Variants in GFRA2 observed in about 807,000 individuals in gnomAD.
The protein encoded by GFRA2 is GDNF family receptor alpha 2.
GFRA2 carries 17 observed loss-of-function variants against 48.3 expected under a neutral mutation model. That is an observed-to-expected ratio of 0.35 (90% CI 0.24 to 0.53). GFRA2 has a LOEUF of 0.53. Among genes scored for constraint, GFRA2 ranks in the 20% least tolerant of loss-of-function variants. GFRA2 has a pLI of 0.93. For synonymous variants in GFRA2, 305 were observed against 257.2 expected, an observed-to-expected ratio of 1.19 and a Z score of -1.78; for missense variants, 660 against 637.3, an observed-to-expected ratio of 1.04 and a Z score of -0.38.
chr8:21,694,144 T>C (rs1230012598), intron 8 of GFRA2, among the ~76,000 whole-genome samples: 1 of 148,850 alleles, frequency 6.7e-6, no homozygotes, highest in Non-Finnish European at 1.5e-5. Context: ...TTTCCACTTC[T>C]GTGCCTCCTA....
intron 7 of GFRA2, 50 bp from the exon 8 acceptor site, chr8:21,694,567 C>T: frequency 1.3e-6 from 2 of 1,567,504 alleles, no homozygotes; most frequent in Non-Finnish European, 1.7e-6. Context: ...CTGTTCCTGG[C>T]TGGGCTTTGT....
chr8:21,705,598 G>T (rs1802699079), intron 5 of GFRA2, among the ~76,000 whole-genome samples: 1 of 152,234 alleles, frequency 6.6e-6, no homozygotes, highest in African/African-American at 2.4e-5. Flanking sequence ...AGCAAGAGCT[G>T]TTGGGAGAAT....
upstream of GFRA2, among the ~76,000 whole-genome samples, chr8:21,793,866 GTT>G (rs770753159): frequency 1.0e-4 from 14 of 135,332 alleles, no homozygotes; most frequent in African/African-American, 1.6e-4. Flanking sequence ...GAGAATCAAA[GTT>G]TTTTTTTTTT....
chr8:21,793,376 G>T (rs1287847630), upstream of GFRA2, among the ~76,000 whole-genome samples: 1 of 152,160 alleles, frequency 6.6e-6, no homozygotes, highest in Non-Finnish European at 1.5e-5. Context: ...AGTGGCAGTG[G>T]GCGTGGACAG....
At chr8:21,780,403 T>G (rs944449344) in intron 2 of GFRA2, among the ~76,000 whole-genome samples, 1 of 152,098 alleles carries the variant, frequency 6.6e-6, no homozygotes, top group African/African-American at 2.4e-5. Context: ...TTTCCTGCTG[T>G]TCCTCCCACC....
At position 21,750,551 on chromosome 8, in the gene GFRA2, C is replaced by T; in HGVS notation, c.794+37G>A. The T allele has an allele frequency of 7.8e-7, 1 of 1,273,992 alleles. No individual in the cohort carries two copies. Among genetic ancestry groups the T allele is most frequent in the Non-Finnish European group, 1.1e-6 (1 of 899,350 alleles). The allele number at this position is 1,273,992 out of a possible 1,614,324, so 78.9% of individuals were successfully genotyped here. A position where few individuals can be genotyped will look rare whatever the true frequency, so the allele number is the denominator to read the frequency against. On this transcript the variant is annotated intron_variant, in intron 4 of 8. Transcript: ENST00000524240. This position sits in a 1 kb window ranked among gnomAD's most constrained non-coding sequence, Gnocchi z 5.7. The stretch of plus-strand genomic sequence containing the variant: ...AACACAGCCTGGCAATGCAAGCGCC[C>T]TCCTGCCAGCACCACCGGGGCTGCC...
chr8:21,753,097 GC>G (rs1467556143), intron 3 of GFRA2, among the ~76,000 whole-genome samples: 2 of 152,076 alleles, frequency 1.3e-5, no homozygotes, highest in Non-Finnish European at 2.9e-5. Context: ...AGGCTCCAAA[GC>G]CCCCCTTGGA....
intron 1 of GFRA2, among the ~76,000 whole-genome samples, chr8:21,806,585 C>A (rs1807872419): frequency 6.6e-6 from 1 of 152,182 alleles, no homozygotes; most frequent in Non-Finnish European, 1.5e-5. Flanking sequence ...CTACCTCAGC[C>A]TCCTGAGTAG....
intron 4 of GFRA2, among the ~76,000 whole-genome samples, chr8:21,721,790 C>T (rs1803608596): frequency 1.3e-5 from 2 of 152,138 alleles, no homozygotes; most frequent in South Asian, 4.2e-4. Flanking sequence ...AGCCTGCCCA[C>T]CACATCCCAG....
In GFRA2 at chr8:21,697,389, G is replaced by C. The variant is rs185754586; in HGVS notation, c.1219-2872C>G. 2.4e-3 allele frequency among the ~76,000 whole-genome samples: 366 copies of C among 152,122 alleles called. 3 individuals carry two copies. The highest frequency in any genetic ancestry group is 0.02 in the Admixed American group (307 of 15,302). On this transcript the variant is annotated intron_variant, in intron 7 of 8. Coordinates refer to ENST00000524240, the MANE Select transcript of GFRA2 (RefSeq NM_001495.5). ...CCACTGTACCCTCTCATCTGATGCT[G>C]ATTATCAGGGGACAGTGAAACACCT...
At chr8:21,740,086 G>T (rs1480413193) in intron 4 of GFRA2, among the ~76,000 whole-genome samples, 1 of 152,146 alleles carries the variant, frequency 6.6e-6, no homozygotes, top group African/African-American at 2.4e-5. Context: ...ACCAACAGTG[G>T]TGTGCTCCCC....
At position 21,784,540 on chromosome 8, in the gene GFRA2, G is replaced by A. The variant is rs963621955; in HGVS notation, c.41-1641C>T. Among the ~76,000 whole-genome samples, 10 of 152,298 alleles carry A rather than the reference G, an allele frequency of 6.6e-5. No individual in the cohort carries two copies. The South Asian group carries it at 1.2e-3, about 19-fold the overall frequency. On this transcript the variant is annotated intron_variant, in intron 1 of 8. Coordinates refer to ENST00000524240, the MANE Select transcript of GFRA2 (RefSeq NM_001495.5). Reference sequence around the variant, plus strand: ...AGACAGCGACACCTAAAGGCAGCGCGCTGCACAGCGGGCCTTCGCTCCCGA... The same window carrying A: ...AGACAGCGACACCTAAAGGCAGCGCACTGCACAGCGGGCCTTCGCTCCCGA...
chr8:21,719,529 AAG>A (rs1803494813), intron 4 of GFRA2, among the ~76,000 whole-genome samples: 1 of 152,362 alleles, frequency 6.6e-6, no homozygotes, highest in South Asian at 2.1e-4. Context: ...TAAGCTGAAC[AAG>A]AGATTGTGTT....
chr8:21,759,888 C>CAA (rs35385607), intron 3 of GFRA2, among the ~76,000 whole-genome samples: 12,499 of 104,880 alleles, frequency 0.12, 842 homozygotes, highest in Non-Finnish European at 0.17. Context: ...GATTGCGTCT[C>CAA]AAAAAAAAAA....
In GFRA2 at chr8:21,691,287, C is replaced by T. The variant is rs1196446485; in HGVS notation, c.*1991G>A. On this transcript the variant is annotated 3_prime_UTR_variant, in exon 9 of 9. Coordinates refer to ENST00000524240, the MANE Select transcript of GFRA2 (RefSeq NM_001495.5). The stretch of plus-strand genomic sequence containing the variant: ...ATGTGCGAGCCTGCACACGACCGCA[C>T]ACACATGTACACATGCTCACATACA... The T allele has an allele frequency of 6.6e-6, 1 of 152,252 alleles. No homozygotes were observed. Among genetic ancestry groups the T allele is most frequent in the Non-Finnish European group, 1.5e-5 (1 of 68,048 alleles). 9.4% of individuals were successfully genotyped at this position (152,252 alleles called of 1,614,324 possible). A position where few individuals can be genotyped will look rare whatever the true frequency, so the allele number is the denominator to read the frequency against.
At position 21,788,101 on chromosome 8, in the gene GFRA2, G is replaced by T; in HGVS notation, c.40+19C>A. 1 of 1,285,128 alleles carries T rather than the reference G, an allele frequency of 7.8e-7. No individual in the cohort carries two copies. Among genetic ancestry groups the T allele is most frequent in the Non-Finnish European group, 1.0e-6 (1 of 958,438 alleles). The allele number at this position is 1,285,128 out of a possible 1,614,324, so 79.6% of individuals were successfully genotyped here. A position where few individuals can be genotyped will look rare whatever the true frequency, so the allele number is the denominator to read the frequency against. ...GGCTTCTCGCCTCCCCCTCGAGCTC[G>T]CCGCCCGCAGGTACTCACCTAGAAA... On this transcript the variant is annotated intron_variant, in intron 1 of 8. Coordinates refer to ENST00000524240, the MANE Select transcript of GFRA2 (RefSeq NM_001495.5).
At chr8:21,742,961 G>T (rs1804825941) in intron 4 of GFRA2, among the ~76,000 whole-genome samples, 1 of 152,228 alleles carries the variant, frequency 6.6e-6, no homozygotes, top group South Asian at 2.1e-4. Flanking sequence ...GCAGGGTGAA[G>T]CATGAATCCT....
intron 2 of GFRA2, 86 bp downstream of exon 2, chr8:21,782,499 C>A: frequency 1.9e-6 from 2 of 1,031,052 alleles, no homozygotes; most frequent in South Asian, 1.5e-5. Context: ...ACCACCTAGT[C>A]CTCCCTCCTG....
rs1326914039 is a variant in GFRA2 at position 21,694,411 on chromosome 8, G to A, written c.1272+53C>T. On this transcript the variant is annotated intron_variant, in intron 8 of 8. Transcript: ENST00000524240. ...ATCTGAGGCTCGCCGGGGAAATGCC[G>A]CCCCCCACCGGCCCAGCCTTCTGCA... 60 of 1,527,228 alleles carry A rather than the reference G, an allele frequency of 3.9e-5. No homozygotes were observed. The East Asian group carries it at 6.0e-4, about 15-fold the overall frequency. The allele number at this position is 1,527,228 out of a possible 1,614,324, so 94.6% of individuals were successfully genotyped here. A position where few individuals can be genotyped will look rare whatever the true frequency, so the allele number is the denominator to read the frequency against.
Sources: allele counts gnomAD v4.1 joint callset (sites outside exome capture counted in the v4.1 genomes callset), GRCh38; gene constraint gnomAD v4.1.1; non-coding constraint Gnocchi (gnomAD v3.1); transcripts MANE v1.5; gene names NCBI Gene and HGNC (gene_info 2026-07-23, HGNC 2026-07-21).